PRDM16: variants seen among roughly 807,000 people sequenced by gnomAD.
PRDM16 encodes the protein histone-lysine N-methyltransferase PRDM16.
Under a neutral mutation model 110.6 loss-of-function variants are expected in PRDM16, and 23 were observed. The observed-to-expected ratio is 0.21, with a 90% CI of 0.15 to 0.29. The LOEUF (loss-of-function observed/expected upper bound fraction) is 0.29, where lower values mean the gene tolerates loss of function less well. Among genes scored for constraint, PRDM16 ranks in the 10% least tolerant of loss-of-function variants. The pLI, the probability that PRDM16 is intolerant of heterozygous loss-of-function variation, is 1.00. For synonymous variants in PRDM16, 799 were observed against 781.8 expected (o/e 1.02, Z -0.37); for missense variants, 1,615 against 1,794.3 (o/e 0.90, Z 1.81).
At chr1:3,404,644 C>G (rs561222195) in intron 6 of PRDM16, 95 bp from the exon 7 acceptor site, 2 of 1,491,666 alleles carry the variant, frequency 1.3e-6, no homozygotes, top group South Asian at 1.2e-5. Context: ...GTGGGGGCTC[C>G]GAAGGGGCAC....
chr1:3,166,714 C>T (rs1355329662), intron 1 of PRDM16, among the ~76,000 whole-genome samples: 6 of 152,200 alleles, frequency 3.9e-5, no homozygotes, highest in African/African-American at 1.4e-4. Flanking sequence ...AAGGGAACCA[C>T]AGCGCGGCCT....
chr1:3,115,596 G>A (rs375848811), intron 1 of PRDM16, among the ~76,000 whole-genome samples: 10 of 152,228 alleles, frequency 6.6e-5, no homozygotes, highest in South Asian at 6.2e-4. Flanking sequence ...GGCCTCCGCC[G>A]TAAGCCTGAG....
chr1:3,285,454 C>A (rs920035037), intron 3 of PRDM16, among the ~76,000 whole-genome samples: 1 of 152,202 alleles, frequency 6.6e-6, no homozygotes, highest in Non-Finnish European at 1.5e-5. Context: ...CTGCCACAGC[C>A]GCTGTGTCGC....
At chr1:3,165,408 G>T (rs1239689751) in intron 1 of PRDM16, among the ~76,000 whole-genome samples, 48 of 143,428 alleles carry the variant, frequency 3.3e-4, no homozygotes, top group African/African-American at 1.2e-3. Context: ...CTCAGGGACA[G>T]TGACTCACCT....
At chr1:3,122,606 T>C (rs1339988864) in intron 1 of PRDM16, among the ~76,000 whole-genome samples, 3 of 152,226 alleles carry the variant, frequency 2.0e-5, no homozygotes, top group Middle Eastern at 3.4e-3. Context: ...AGGATCATTA[T>C]ACGAGTGGAA....
intron 14 of PRDM16, 136 bp downstream of exon 14, chr1:3,426,361 CAGA>C: frequency 1.5e-6 from 1 of 648,054 alleles, no homozygotes; most frequent in Non-Finnish European, 2.6e-6. Context: ...GGCCTCACCA[CAGA>C]GGGTGAGGCC....
rs1642219912 is a variant in PRDM16, at chr1:3,339,114, C to T, written c.439-46038C>T. Among the ~76,000 whole-genome samples the T allele has an allele frequency of 6.6e-6, 1 of 152,152 alleles. No individual in the cohort carries two copies. Among genetic ancestry groups the T allele is most frequent in the Non-Finnish European group, 1.5e-5 (1 of 68,028 alleles). ...CCGTGCACTCCCCTCTCTGGCCTCCCCATGTCCCGCCTTTCCGGGTGCTCA... is the reference window on the plus strand; with the variant it reads ...CCGTGCACTCCCCTCTCTGGCCTCCTCATGTCCCGCCTTTCCGGGTGCTCA... On this transcript the variant is annotated intron_variant, in intron 3 of 16. Transcript: ENST00000270722. This position sits in a 1 kb window ranked among gnomAD's most constrained non-coding sequence, Gnocchi z 5.0.
chr1:3,203,115 AC>A (rs1171606670), intron 2 of PRDM16, among the ~76,000 whole-genome samples: 1 of 151,906 alleles, frequency 6.6e-6, no homozygotes, highest in African/African-American at 2.4e-5. Flanking sequence ...ATTGCACACC[AC>A]CCCCAACCCC....
intron 8 of PRDM16, among the ~76,000 whole-genome samples, chr1:3,410,361 G>A (rs1252410579): frequency 6.6e-6 from 1 of 152,180 alleles, no homozygotes; most frequent in Admixed American, 6.5e-5. Context: ...GCACTCGCCA[G>A]CCAGAGCCGG....
At position 3,244,684 on chromosome 1, in the gene PRDM16, G is replaced by T. The variant is rs1639748444; in HGVS notation, c.438+547G>T. On this transcript the variant is annotated intron_variant, in intron 3 of 16. Transcript: ENST00000270722. The surrounding 1 kb of genome is among the most constrained non-coding windows in gnomAD (Gnocchi z 4.1). ...ATAACGGCTGGTGGACAAACATTAG[G>T]TCTAACAGATCCAGAGGGAGAACCA... 2.6e-5 allele frequency among the ~76,000 whole-genome samples: 4 copies of T among 152,214 alleles called. No individual in the cohort carries two copies. The South Asian group carries it at 6.2e-4, about 24-fold the overall frequency.
chr1:3,422,741 C>T (rs560607481), intron 12 of PRDM16, among the ~76,000 whole-genome samples: 5 of 152,204 alleles, frequency 3.3e-5, no homozygotes, highest in Non-Finnish European at 4.4e-5. Context: ...GCTCCATCCT[C>T]GGCCTTATTC....
intron 3 of PRDM16, among the ~76,000 whole-genome samples, chr1:3,333,221 C>T (rs1342730532): frequency 6.6e-6 from 1 of 152,176 alleles, no homozygotes; most frequent in Non-Finnish European, 1.5e-5. Context: ...CCCTCTGCAT[C>T]AGACACAGGG....
At chr1:3,324,902 G>A (rs1281389401) in intron 3 of PRDM16, among the ~76,000 whole-genome samples, 2 of 152,094 alleles carry the variant, frequency 1.3e-5, no homozygotes, top group African/African-American at 4.8e-5. Flanking sequence ...AGTCCCTGAG[G>A]GTCCAGGCCA....
intron 1 of PRDM16, among the ~76,000 whole-genome samples, chr1:3,153,472 C>G (rs1643811280): frequency 6.6e-6 from 1 of 152,240 alleles, no homozygotes; most frequent in Non-Finnish European, 1.5e-5. Context: ...AAGCTCCCCA[C>G]AGCGCGGTCC....
At chr1:3,232,581 G>C (rs2817158) in intron 2 of PRDM16, among the ~76,000 whole-genome samples, 1 of 152,008 alleles carries the variant, frequency 6.6e-6, no homozygotes, top group Non-Finnish European at 1.5e-5. Context: ...TGCTTGCTTC[G>C]TGAGTAAGTG....
chr1:3,075,401 C>T (rs751717181), intron 1 of PRDM16, among the ~76,000 whole-genome samples: 5 of 152,258 alleles, frequency 3.3e-5, no homozygotes, highest in African/African-American at 9.6e-5. Context: ...TTCAGTTCCT[C>T]GTCCCCTGGG....
At position 3,412,138 on chromosome 1, in the gene PRDM16, C is replaced by T; in HGVS notation, c.1941C>T (p.Pro647=). Residue 647 remains proline, a synonymous_variant, in exon 9 of 17, where the codon CCC becomes CCT. Transcript: ENST00000270722. ...AGGGCAAGTCCGCCGAGGGCCAGCC[C>T]AAGTTTGGGGGCGGCTTGGCGCCCC... ...KGKGKSAEGQ[P]KFGGGLAPPG... 1 of 1,563,322 alleles carries T rather than the reference C, an allele frequency of 6.4e-7. No individual in the cohort carries two copies. The highest frequency in any genetic ancestry group is 1.4e-5 in the African/African-American group (1 of 73,162).
chr1:3,404,920 G>A, intron 7 of PRDM16, 34 bp downstream of exon 7: 1 of 1,600,316 alleles, frequency 6.2e-7, no homozygotes, highest in South Asian at 1.1e-5. Flanking sequence ...TCAGCCCCGG[G>A]GCAGCAGGAG....
intron 12 of PRDM16, among the ~76,000 whole-genome samples, chr1:3,422,145 ACAGACAGGCAGGG>A (rs1442280143): frequency 6.9e-6 from 1 of 144,478 alleles, no homozygotes; most frequent in South Asian, 2.3e-4. Flanking sequence ...AGACAGGCAG[ACAGACAGGCAGGG>A]CAGACAGGCA....
Sources: allele counts gnomAD v4.1 joint callset (sites outside exome capture counted in the v4.1 genomes callset), GRCh38; gene constraint gnomAD v4.1.1; non-coding constraint Gnocchi (gnomAD v3.1); transcripts MANE v1.5; gene names NCBI Gene and HGNC (gene_info 2026-07-23, HGNC 2026-07-21).